Variants in PLCG2 observed in about 807,000 individuals in gnomAD.
PLCG2 encodes the protein phospholipase C gamma 2.
A neutral mutation model predicts 175.6 loss-of-function variants in PLCG2; 69 were observed. The ratio of observed to expected loss-of-function variants is 0.39; its 90% CI spans 0.32 to 0.48. The LOEUF (loss-of-function observed/expected upper bound fraction) is 0.48, where lower values mean the gene tolerates loss of function less well. PLCG2 is among the 20% of genes least tolerant of loss of function. The pLI is 0.91. For missense variants in PLCG2, 1,798 were observed against 1,650.9 expected (o/e 1.09, Z -1.54); for synonymous variants, 827 against 624.0 (o/e 1.33, Z -4.85).
At chr16:81,890,392 A>G (rs79161751) in intron 10 of PLCG2, among the ~76,000 whole-genome samples, 7,324 of 152,286 alleles carry the variant, frequency 0.048, 219 homozygotes, top group Non-Finnish European at 0.067. Flanking sequence ...GGCAGTTTGG[A>G]GGTTAAAGGC....
intron 4 of PLCG2, 126 bp downstream of exon 4, chr16:81,858,482 G>A (rs917515477): frequency 5.9e-5 from 42 of 711,090 alleles, no homozygotes; most frequent in Non-Finnish European, 1.0e-4. Context: ...CTCGTTGAGT[G>A]TCTTGTATGC....
intron 2 of PLCG2, among the ~76,000 whole-genome samples, chr16:81,829,259 C>T (rs189140652): frequency 0.026 from 4,026 of 152,244 alleles, 205 homozygotes; most frequent in African/African-American, 0.093. Context: ...CATGCACACA[C>T]CAACGTGCCC....
intron 2 of PLCG2, among the ~76,000 whole-genome samples, chr16:81,816,433 GA>G (rs1431066660): frequency 1.3e-5 from 2 of 151,742 alleles, no homozygotes; most frequent in East Asian, 3.9e-4. Flanking sequence ...TTGGGACCAT[GA>G]AAAGGGTGAC....
At chr16:81,833,852 G>A (rs1905378141) in intron 2 of PLCG2, among the ~76,000 whole-genome samples, 10 of 152,180 alleles carry the variant, frequency 6.6e-5, no homozygotes, top group Admixed American at 6.5e-4. Flanking sequence ...CCGGCCTCCT[G>A]TGTGTCTTGC....
intron 2 of PLCG2, among the ~76,000 whole-genome samples, chr16:81,829,726 A>G (rs1327309838): frequency 6.6e-6 from 1 of 152,104 alleles, no homozygotes; most frequent in Non-Finnish European, 1.5e-5. Flanking sequence ...TTTCTTTTGA[A>G]TTGCTGTAGA....
intron 7 of PLCG2, among the ~76,000 whole-genome samples, chr16:81,877,265 T>C (rs1040683102): frequency 5.3e-5 from 8 of 152,166 alleles, no homozygotes; most frequent in Non-Finnish European, 1.0e-4. Flanking sequence ...CCATCCTGGC[T>C]GACACGGTGA....
At chr16:81,767,008 G>A (rs1285711377) in intron 2 of PLCG2, 1 of 152,140 alleles carries the variant, frequency 6.6e-6, no homozygotes, top group Non-Finnish European at 1.5e-5. Context: ...GGAACACTTG[G>A]TGAGCCCTGC....
intron 30 of PLCG2, among the ~76,000 whole-genome samples, chr16:81,945,483 G>A (rs577047730): frequency 1.3e-5 from 2 of 152,224 alleles, no homozygotes; most frequent in Non-Finnish European, 2.9e-5. Context: ...GATTGGGTGG[G>A]AGTGACCGTT....
At chr16:81,870,752 A>T (rs969855608) in intron 6 of PLCG2, 100 bp from the exon 7 acceptor site, 36 of 610,576 alleles carry the variant, frequency 5.9e-5, no homozygotes, top group Admixed American at 4.4e-4. Context: ...CCAATAAAAT[A>T]GCATGCCATT....
At chr16:81,842,629 G>T (rs148042107) in intron 2 of PLCG2, 3,944 of 152,292 alleles carry the variant, frequency 0.026, 71 homozygotes, top group Middle Eastern at 0.054. Flanking sequence ...GCCCCTTGAG[G>T]TCATGTATGG....
rs78843349 is a variant in PLCG2, at chr16:81,757,520, C to T, written c.-48+1554C>T. ...CAGAGGTGCAGAAGAGCCGAGAAAG[C>T]GCCACTGTACTCCAGCCTGGGTGAC... On this transcript the variant is annotated intron_variant, in intron 2 of 5. Coordinates refer to the PLCG2 transcript ENST00000565054. Among the ~76,000 whole-genome samples, 292 of 151,950 alleles carry T rather than the reference C, an allele frequency of 1.9e-3. 2 individuals are homozygous for T. Among genetic ancestry groups the T allele is most frequent in the African/African-American group, 6.3e-3 (262 of 41,428 alleles).
In PLCG2 at chr16:81,938,779, A is replaced by C. The variant is rs75387007; in HGVS notation, c.3199-22A>C. On this transcript the variant is annotated intron_variant, in intron 28 of 32. Transcript: ENST00000564138. ...TGTTCAGGACCCCAGGGGGGTTCCA[A>C]TGCTTCCCTTTGGTGTCCCAGGTTC... 37 of 1,507,704 alleles carry C rather than the reference A, an allele frequency of 2.5e-5. No individual in the cohort carries two copies. In the African/African-American group the frequency reaches 4.6e-4, roughly 19 times the overall value. 93.4% of individuals were successfully genotyped at this position (1,507,704 alleles called of 1,614,324 possible).
At chr16:81,876,171 G>A (rs1210930700) in intron 7 of PLCG2, among the ~76,000 whole-genome samples, 7 of 151,824 alleles carry the variant, frequency 4.6e-5, no homozygotes, top group Admixed American at 3.3e-4. Flanking sequence ...GACCACAGGC[G>A]TGTGCCACCA....
At chr16:81,940,352 T>G (rs1486167303) in intron 30 of PLCG2, among the ~76,000 whole-genome samples, 2 of 152,160 alleles carry the variant, frequency 1.3e-5, no homozygotes, top group African/African-American at 4.8e-5. Context: ...AAATATTACA[T>G]GCGGTTTGCT....
intron 2 of PLCG2, among the ~76,000 whole-genome samples, chr16:81,847,841 G>C (rs1375263570): frequency 6.6e-6 from 1 of 152,168 alleles, no homozygotes; most frequent in East Asian, 1.9e-4. Context: ...CAAATTCTCT[G>C]CCATTTTTTA....
chr16:81,879,600 A>G (rs557021353), intron 7 of PLCG2, among the ~76,000 whole-genome samples: 3 of 152,182 alleles, frequency 2.0e-5, no homozygotes, highest in South Asian at 4.2e-4. Flanking sequence ...CAGCAAGAGG[A>G]CCCTGGGTCA....
intron 9 of PLCG2, chr16:81,883,561 C>T: frequency 1.7e-6 from 1 of 585,596 alleles, no homozygotes; most frequent in Non-Finnish European, 3.1e-6. Flanking sequence ...AGAAGAGCCT[C>T]ATGTCGGGCC....
chr16:81,806,516 T>A (rs542480105), intron 2 of PLCG2, among the ~76,000 whole-genome samples: 1 of 152,180 alleles, frequency 6.6e-6, no homozygotes, highest in South Asian at 2.1e-4. Context: ...GGGGGTTGCT[T>A]TTGACCCAGG....
At chr16:81,862,150 C>G (rs558858770) in intron 5 of PLCG2, among the ~76,000 whole-genome samples, 1 of 152,206 alleles carries the variant, frequency 6.6e-6, no homozygotes, top group Non-Finnish European at 1.5e-5. Context: ...CTGTCACCCA[C>G]GAGACGAATC....
Sources: allele counts gnomAD v4.1 joint callset (sites outside exome capture counted in the v4.1 genomes callset), GRCh38; gene constraint gnomAD v4.1.1; transcripts MANE v1.5; gene names NCBI Gene and HGNC (gene_info 2026-07-23, HGNC 2026-07-21).